Variants in ARG2 observed in about 807,000 individuals in gnomAD.
The protein encoded by ARG2 is arginase 2, also known as arginase-2, mitochondrial.
In ARG2, 21 loss-of-function variants were observed where a neutral mutation model predicts 39.4. That is an observed-to-expected ratio of 0.53 (90% CI 0.38 to 0.77). ARG2 has a LOEUF of 0.77. ARG2 is among the 30% of genes least tolerant of loss of function. The pLI is 0.00. For missense variants in ARG2, 378 were observed against 426.2 expected, an observed-to-expected ratio of 0.89 and a Z score of 1.00; for synonymous variants, 150 against 156.7, an observed-to-expected ratio of 0.96 and a Z score of 0.32.
chr14:67,645,604 C>A, intron 3 of ARG2, 39 bp from the exon 4 acceptor site: 1 of 1,592,138 alleles, frequency 6.3e-7, no homozygotes, highest in South Asian at 1.1e-5. Flanking sequence ...TCATGTTTGC[C>A]AAGCAGAGGG....
chr14:67,648,971 G>A (rs998298384), intron 7 of ARG2: 2 of 152,194 alleles, frequency 1.3e-5, no homozygotes, highest in African/African-American at 4.8e-5. Context: ...AACTCACATT[G>A]AGAAATGGTC....
Position 67,651,179 on chromosome 14 carries a change from C to G in ARG2, c.*259C>G. 2 of 1,028,572 alleles carry G rather than the reference C, an allele frequency of 1.9e-6. No homozygotes were observed. Among genetic ancestry groups the G allele is most frequent in the Non-Finnish European group, 2.8e-6 (2 of 726,858 alleles). 63.7% of individuals were successfully genotyped at this position (1,028,572 alleles called of 1,614,324 possible). On this transcript the variant is annotated 3_prime_UTR_variant, in exon 8 of 8. Coordinates refer to ENST00000261783, the MANE Select transcript of ARG2 (RefSeq NM_001172.4). Reference sequence around the variant, plus strand: ...AGAAGTCATAAACAGCATTTATTACCTTGGTATATCATACTGGTCTTGTTG... The same window carrying G: ...AGAAGTCATAAACAGCATTTATTACGTTGGTATATCATACTGGTCTTGTTG...
At chr14:67,650,658 C>T (rs1210332336) in intron 7 of ARG2, 57 bp from the exon 8 acceptor site, 1 of 1,502,264 alleles carries the variant, frequency 6.7e-7, no homozygotes, top group African/African-American at 1.4e-5. Flanking sequence ...GTGGGATGAC[C>T]CTCACTGAGA....
chr14:67,641,649 T>C (rs2037032168), intron 2 of ARG2, among the ~76,000 whole-genome samples: 3 of 152,192 alleles, frequency 2.0e-5, no homozygotes, highest in Non-Finnish European at 4.4e-5. Flanking sequence ...TTATAATATG[T>C]GAATTTCTTG....
chr14:67,629,811 T>C (rs2036901037), intron 2 of ARG2, among the ~76,000 whole-genome samples: 1 of 152,246 alleles, frequency 6.6e-6, no homozygotes, highest in Non-Finnish European at 1.5e-5. Context: ...AGGACTTGCG[T>C]TAGTGAAGAC....
At chr14:67,641,095 T>C (rs73274550) in intron 2 of ARG2, among the ~76,000 whole-genome samples, 4,392 of 152,274 alleles carry the variant, frequency 0.029, 227 homozygotes, top group African/African-American at 0.1. Flanking sequence ...TGCCAAACAA[T>C]CATATTGTCC....
Position 67,620,965 on chromosome 14 carries a change from G to C in ARG2, c.183G>C (p.Leu61Phe), listed in dbSNP as rs367731003. 2.5e-6 allele frequency: 4 copies of C among 1,614,050 alleles called. No homozygotes were observed. The highest frequency in any genetic ancestry group is 2.7e-5 in the African/African-American group (2 of 75,054). ...EAGLMKRLSS[L>F]GCHLKDFGDL... ...GCTTGATGAAAAGGCTCTCCAGTTT[G>C]GGTAAGTGGTTAGATTTTTAGATAT... The change falls in exon 2 of 8, where the codon TTG becomes TTC. Residue 61 changes from leucine (L) to phenylalanine (F), a missense_variant and splice_region_variant. By Grantham distance (22) the Leu-to-Phe change is conservative. Coordinates refer to ENST00000261783, the MANE Select transcript of ARG2 (RefSeq NM_001172.4).
intron 2 of ARG2, 60 bp from the exon 3 acceptor site, chr14:67,642,126 C>G: frequency 6.6e-7 from 1 of 1,509,106 alleles, no homozygotes; most frequent in Non-Finnish European, 9.2e-7. Context: ...GTGGCCCAGG[C>G]TAGTTAAGAG....
Position 67,642,151 on chromosome 14 carries a change from G to C in ARG2, c.185-35G>C, listed in dbSNP as rs757728210. 15 of 1,605,970 alleles carry C rather than the reference G, an allele frequency of 9.3e-6. No individual in the cohort carries two copies. The Admixed American group carries it at 1.7e-4, about 18-fold the overall frequency. ...CTAGTTAAGAGTTGGAGATAGCACA[G>C]AAAATTCATCTTGTCATCCCTCATT... is the stretch of plus-strand genomic sequence containing the variant. On this transcript the variant is annotated intron_variant, in intron 2 of 7. Coordinates refer to ENST00000261783, the MANE Select transcript of ARG2 (RefSeq NM_001172.4).
chr14:67,640,214 C>G (rs182286076), intron 2 of ARG2, among the ~76,000 whole-genome samples: 193 of 152,266 alleles, frequency 1.3e-3, no homozygotes, highest in Non-Finnish European at 2.3e-3. Context: ...CCTCCTACCC[C>G]TGCTCTGCTA....
Position 67,646,978 on chromosome 14 carries a change from TG to T in ARG2, c.677del (p.Gly226ValfsTer13), listed in dbSNP as rs774197237. The T allele has an allele frequency of 3.1e-6, 5 of 1,613,262 alleles. No individual in the cohort carries two copies. The Admixed American group carries it at 8.3e-5, about 27-fold the overall frequency. On this transcript the variant is annotated frameshift_variant, in exon 6 of 8. Transcript: ENST00000261783. LOFTEE classifies it high-confidence loss of function. ...TTTCCATGAGAGATATTGATCGACT[TG>T]GTATCCAGAAGGTCATGGAACGAAC... ...YFSMRDIDRL[G>X]IQKVMERTFD... is the part of the protein sequence containing the mutation.
In ARG2 at chr14:67,651,570, G is replaced by A; in HGVS notation, c.*650G>A. 1.4e-6 allele frequency: 2 copies of A among 1,426,258 alleles called. No individual in the cohort carries two copies. Among genetic ancestry groups the A allele is most frequent in the South Asian group, 2.6e-5 (2 of 75,740 alleles). 88.4% of individuals were successfully genotyped at this position (1,426,258 alleles called of 1,614,324 possible). A position where few individuals can be genotyped will look rare whatever the true frequency, so the allele number is the denominator to read the frequency against. On this transcript the variant is annotated 3_prime_UTR_variant, in exon 8 of 8. Transcript: ENST00000261783. ...GGGGTTAGACCTGGGACCACGGCTG[G>A]ATACTCTGAGGCTGTATGTTTGATC...
At position 67,619,988 on chromosome 14, in the gene ARG2, G is replaced by A. The variant is rs757743058; in HGVS notation, c.11G>A (p.Arg4Lys). MSL[R>K]GSLSRLLQTR... ...TCAGTGCTGCGGATCATGTCCCTAA[G>A]GGGCAGCCTCTCGCGTCTCCTCCAG... The change falls in exon 1 of 8, where the codon AGG becomes AAG. Residue 4 changes from arginine to lysine, a missense_variant. Arg to Lys is a conservative substitution (Grantham distance 26, BLOSUM62 2). Coordinates refer to ENST00000261783, the MANE Select transcript of ARG2 (RefSeq NM_001172.4). The A allele has an allele frequency of 1.4e-5, 23 of 1,603,600 alleles. No individual in the cohort carries two copies. Among genetic ancestry groups the A allele is most frequent in the African/African-American group, 2.7e-5 (2 of 74,060 alleles).
Position 67,642,209 on chromosome 14 carries a change from GA to G in ARG2, c.209del (p.Asp70ValfsTer2), listed in dbSNP as rs1566803289. The G allele has an allele frequency of 6.2e-7, 1 of 1,614,036 alleles. No homozygotes were observed. The highest frequency in any genetic ancestry group is 1.7e-5 in the Admixed American group (1 of 60,006). On this transcript the variant is annotated frameshift_variant, in exon 3 of 8. Transcript: ENST00000261783. LOFTEE classifies it high-confidence loss of function. ...SLGCHLKDFG[D>X]LSFTPVPKDD... ...AGGCTGCCACCTAAAAGACTTTGGAGATTTGAGTTTTACTCCAGTCCCCAAA... is the reference window on the plus strand; with the variant it reads ...AGGCTGCCACCTAAAAGACTTTGGAGTTTGAGTTTTACTCCAGTCCCCAAA...
intron 6 of ARG2, 189 bp from the exon 7 acceptor site, chr14:67,647,858 G>A (rs2037120795): frequency 1.6e-6 from 1 of 606,722 alleles, no homozygotes; most frequent in Admixed American, 3.0e-5. Context: ...TGGTATGTAG[G>A]AAGTTAATAT....
intron 7 of ARG2, 146 bp from the exon 8 acceptor site, chr14:67,650,569 C>T (rs1430137497): frequency 1.5e-6 from 1 of 674,728 alleles, no homozygotes; most frequent in Non-Finnish European, 2.6e-6. Context: ...GGATGAGGTG[C>T]AAGGGGCTTC....
chr14:67,641,198 T>C (rs947063393), intron 2 of ARG2, among the ~76,000 whole-genome samples: 2 of 152,120 alleles, frequency 1.3e-5, no homozygotes, highest in African/African-American at 4.8e-5. Flanking sequence ...AAATATTATA[T>C]AAAATTACCT....
At chr14:67,627,476 A>G (rs969194489) in intron 2 of ARG2, among the ~76,000 whole-genome samples, 1 of 152,146 alleles carries the variant, frequency 6.6e-6, no homozygotes, top group African/African-American at 2.4e-5. Context: ...GGCATTGAAA[A>G]GAGATGAAAC....
At position 67,645,688 on chromosome 14, in the gene ARG2, C is replaced by T. The variant is rs368839100; in HGVS notation, c.408C>T (p.Asp136=). ...GTGGCCATGCCCGACACTGCCCAGA[C>T]CTTTGTGTTGTCTGGGTTGATGCCC... is the stretch of plus-strand genomic sequence containing the variant. ...TISGHARHCP[D]LCVVWVDAHA... The change falls in exon 4 of 8, where the codon GAC becomes GAT. Residue 136 remains aspartate (D), a synonymous_variant. Coordinates refer to ENST00000261783, the MANE Select transcript of ARG2 (RefSeq NM_001172.4). The T allele has an allele frequency of 1.9e-6, 3 of 1,614,044 alleles. No homozygotes were observed. Among genetic ancestry groups the T allele is most frequent in the East Asian group, 4.5e-5 (2 of 44,884 alleles).
Sources: gnomAD v4.1 joint callset for allele counts (sites outside exome capture counted in the v4.1 genomes callset) on GRCh38, gnomAD v4.1.1 for gene constraint, MANE v1.5 for transcripts, NCBI Gene and HGNC (gene_info 2026-07-23, HGNC 2026-07-21) for gene names.